Variants in RNF144B observed in about 807,000 individuals in gnomAD.
RNF144B encodes the protein ring finger protein 144B, also known as E3 ubiquitin-protein ligase RNF144B.
In RNF144B, 25 loss-of-function variants were observed where a neutral mutation model predicts 40.2. The ratio of observed to expected loss-of-function variants is 0.62; its 90% CI spans 0.45 to 0.87. The LOEUF (loss-of-function observed/expected upper bound fraction) is 0.87. Among genes scored for constraint, RNF144B ranks in the 40% least tolerant of loss-of-function variants. The pLI is 0.00. For missense variants in RNF144B, 365 were observed against 373.7 expected (o/e 0.98, Z 0.19); for synonymous variants, 145 against 136.3 (o/e 1.06, Z -0.44).
At chr6:18,455,087 T>C (rs1464143602) in intron 4 of RNF144B, among the ~76,000 whole-genome samples, 1 of 152,224 alleles carries the variant, frequency 6.6e-6, no homozygotes, top group African/African-American at 2.4e-5. Flanking sequence ...GAAGCGGTTG[T>C]AATAGATTGG....
At chr6:18,397,503 T>C (rs1373437116) in intron 1 of RNF144B, among the ~76,000 whole-genome samples, 1 of 152,220 alleles carries the variant, frequency 6.6e-6, no homozygotes, top group Non-Finnish European at 1.5e-5. Flanking sequence ...AATATGAATA[T>C]GTGGAGAAAT....
intron 1 of RNF144B, among the ~76,000 whole-genome samples, chr6:18,392,588 A>T (rs1427417384): frequency 6.6e-6 from 1 of 152,170 alleles, no homozygotes; most frequent in African/African-American, 2.4e-5. Flanking sequence ...TGTTGAAATG[A>T]CGATGTTAAA....
chr6:18,427,334 G>A (rs907319721), intron 2 of RNF144B, among the ~76,000 whole-genome samples: 6 of 152,112 alleles, frequency 3.9e-5, no homozygotes, highest in South Asian at 2.1e-4. Context: ...TGGCTGAAAT[G>A]TGTGAGCATA....
Position 18,425,320 on chromosome 6 carries a change from G to T in RNF144B, c.166-2261G>T, listed in dbSNP as rs889334027. Among the ~76,000 whole-genome samples the T allele has an allele frequency of 1.2e-3, 178 of 152,122 alleles. 3 individuals carry two copies. The highest frequency in any genetic ancestry group is 1.2e-4 in the Non-Finnish European group (8 of 68,034). ...AAATTTCTTTAAGTGGCTGCTGGGG[G>T]TCAGTGGGAAGATCAAGGCAGTAAC... is the stretch of plus-strand genomic sequence containing the variant. On this transcript the variant is annotated intron_variant, in intron 2 of 7. Coordinates refer to ENST00000259939, the MANE Select transcript of RNF144B (RefSeq NM_182757.4). This position sits in a 1 kb window ranked among gnomAD's most constrained non-coding sequence, Gnocchi z 4.2.
intron 1 of RNF144B, among the ~76,000 whole-genome samples, chr6:18,388,007 T>C (rs1794498063): frequency 6.6e-6 from 1 of 152,324 alleles, no homozygotes; most frequent in Middle Eastern, 3.4e-3. Context: ...AGTGAAACTC[T>C]GATACTACGA....
At chr6:18,449,811 T>C (rs1337810237) in intron 4 of RNF144B, among the ~76,000 whole-genome samples, 1 of 152,128 alleles carries the variant, frequency 6.6e-6, no homozygotes, top group African/African-American at 2.4e-5. Context: ...CTTAGCATTT[T>C]TCAAGAATGT....
Position 18,465,182 on chromosome 6 carries a change from G to A in RNF144B, c.*115G>A. On this transcript the variant is annotated 3_prime_UTR_variant, in exon 8 of 8. Transcript: ENST00000259939. ...TTGCCAACTTTGAAAGTGCCTCCGT[G>A]TCCAGACTTTGAACTTGCCTGCCAG... 1 of 1,084,688 alleles carries A rather than the reference G, an allele frequency of 9.2e-7. No homozygotes were observed. Among genetic ancestry groups the A allele is most frequent in the East Asian group, 2.6e-5 (1 of 38,710 alleles). The allele number at this position is 1,084,688 out of a possible 1,614,324, so 67.2% of individuals were successfully genotyped here.
chr6:18,388,015 C>T (rs1425769128), intron 1 of RNF144B, among the ~76,000 whole-genome samples: 3 of 152,110 alleles, frequency 2.0e-5, no homozygotes, highest in Non-Finnish European at 2.9e-5. Context: ...TCTGATACTA[C>T]GAGAGCCATT....
intron 2 of RNF144B, among the ~76,000 whole-genome samples, chr6:18,404,159 T>C (rs1195360021): frequency 6.6e-6 from 1 of 152,198 alleles, no homozygotes; most frequent in East Asian, 1.9e-4. Context: ...CACACACAGT[T>C]TGGTAACTTT....
intron 2 of RNF144B, among the ~76,000 whole-genome samples, chr6:18,401,534 C>T (rs981009400): frequency 3.9e-5 from 6 of 152,144 alleles, no homozygotes; most frequent in African/African-American, 9.7e-5. Context: ...AAATAGTAAG[C>T]GGTGTATGAT....
rs1270248329 is a variant in RNF144B at position 18,467,227 on chromosome 6, CAA to C, written c.*2162_*2163del. The stretch of plus-strand genomic sequence containing the variant: ...AGTAAACTCTTTAAGCTTGGTGCTG[CAA>C]AGAGTCTTTAAATGGGGGCTGATTT... On this transcript the variant is annotated 3_prime_UTR_variant, in exon 8 of 8. Transcript: ENST00000259939. 7 of 152,422 alleles carry C rather than the reference CAA, an allele frequency of 4.6e-5. No homozygotes were observed. Among genetic ancestry groups the C allele is most frequent in the African/African-American group, 1.7e-4 (7 of 41,382 alleles). The allele number at this position is 152,422 out of a possible 1,614,324, so 9.4% of individuals were successfully genotyped here. A position where few individuals can be genotyped will look rare whatever the true frequency, so the allele number is the denominator to read the frequency against.
rs190405862 is a variant in RNF144B, at chr6:18,387,600, C to T, written c.-67C>T. ...GCGCGAGGGAGGCTACTGAGAAGCC[C>T]GGCGACGGAGGAACGCAGGTCTGCT... On this transcript the variant is annotated 5_prime_UTR_variant, in exon 1 of 8. Transcript: ENST00000259939. 1.5e-4 allele frequency: 195 copies of T among 1,318,148 alleles called. 3 individuals are homozygous for T. In the East Asian group the frequency reaches 7.3e-3, roughly 49 times the overall value. The allele number at this position is 1,318,148 out of a possible 1,614,324, so 81.7% of individuals were successfully genotyped here.
chr6:18,457,244 G>A lies in RNF144B; in HGVS notation c.421G>A (p.Val141Met), dbSNP rs763291382. Residue 141 changes from valine to methionine, a missense_variant, in exon 5 of 8, where the codon GTG becomes ATG. Physicochemically the swap from Val to Met is conservative, Grantham distance 21. Transcript: ENST00000259939. This position sits in a 1 kb window ranked among gnomAD's most constrained non-coding sequence, Gnocchi z 5.1. ...PVASSDPGQPVLVECPSCHLK... is the reference protein window; with the variant it reads ...PVASSDPGQPMLVECPSCHLK... ...TGCCTCGAGTGACCCAGGACAGCCT[G>A]TGCTGGTGGAATGCCCTTCTTGCCA... 1 of 1,614,162 alleles carries A rather than the reference G, an allele frequency of 6.2e-7. No homozygotes were observed. Among genetic ancestry groups the A allele is most frequent in the South Asian group, 1.1e-5 (1 of 91,084 alleles).
rs1033676304 is a variant in RNF144B at position 18,464,615 on chromosome 6, C to T, written c.772-312C>T. The stretch of plus-strand genomic sequence containing the variant: ...ATGGTCATATCTTAGCAAGGGCTCT[C>T]TTCCTGGTTTGAAGATGGCCATTTT... On this transcript the variant is annotated intron_variant, in intron 7 of 7. Coordinates refer to ENST00000259939, the MANE Select transcript of RNF144B (RefSeq NM_182757.4). This position sits in a 1 kb window ranked among gnomAD's most constrained non-coding sequence, Gnocchi z 6.1. Among the ~76,000 whole-genome samples the T allele has an allele frequency of 6.6e-6, 1 of 152,194 alleles. No homozygotes were observed. Among genetic ancestry groups the T allele is most frequent in the African/African-American group, 2.4e-5 (1 of 41,450 alleles).
intron 1 of RNF144B, among the ~76,000 whole-genome samples, chr6:18,389,263 T>A (rs72832414): frequency 6.6e-6 from 1 of 152,214 alleles, no homozygotes; most frequent in Admixed American, 6.5e-5. Context: ...GCTTAAGACA[T>A]GTCTTTTTAA....
At chr6:18,421,305 CACACACACACAT>C (rs1196496145) in intron 2 of RNF144B, among the ~76,000 whole-genome samples, 4 of 123,052 alleles carry the variant, frequency 3.3e-5, no homozygotes, top group Non-Finnish European at 5.3e-5. Context: ...CACACACACA[CACACACACACAT>C]ATATATAAAA....
intron 1 of RNF144B, among the ~76,000 whole-genome samples, chr6:18,388,151 ACTC>A (rs958552525): frequency 6.6e-6 from 1 of 151,938 alleles, no homozygotes; most frequent in Non-Finnish European, 1.5e-5. Flanking sequence ...CTGTAAGTCT[ACTC>A]CTCATGCATA....
rs781047356 is a variant in RNF144B at position 18,457,304 on chromosome 6, C to T, written c.481C>T (p.His161Tyr). The stretch of plus-strand genomic sequence containing the variant: ...CTGCTCGTGTTGCAAGGATGCTTGG[C>T]ATGCAGAGGTCTCCTGTAGAGACAG... ...KFCSCCKDAW[H>Y]AEVSCRDSQP... The change falls in exon 5 of 8, where the codon CAT (histidine) becomes TAT (tyrosine). Residue 161 changes from histidine (H) to tyrosine (Y), a missense_variant. Transcript: ENST00000259939. The surrounding 1 kb of genome is among the most constrained non-coding windows in gnomAD (Gnocchi z 5.1). 1.2e-6 allele frequency: 2 copies of T among 1,614,206 alleles called. No individual in the cohort carries two copies. The highest frequency in any genetic ancestry group is 3.3e-5 in the Admixed American group (2 of 60,028).
chr6:18,460,555 A>T lies in RNF144B; in HGVS notation c.681+804A>T, dbSNP rs1419632149. Among the ~76,000 whole-genome samples, 1 of 152,082 alleles carries T rather than the reference A, an allele frequency of 6.6e-6. No individual in the cohort carries two copies. Among genetic ancestry groups the T allele is most frequent in the Non-Finnish European group, 1.5e-5 (1 of 68,016 alleles). ...TTTTTTCTTCGTTTTGAATTTAAAG[A>T]AAAATGGTTCAAATCAATGGTGTCT... On this transcript the variant is annotated intron_variant, in intron 6 of 7. Transcript: ENST00000259939. The surrounding 1 kb of genome is among the most constrained non-coding windows in gnomAD (Gnocchi z 4.4).
Sources: allele counts gnomAD v4.1 joint callset (sites outside exome capture counted in the v4.1 genomes callset), GRCh38; gene constraint gnomAD v4.1.1; non-coding constraint Gnocchi (gnomAD v3.1); transcripts MANE v1.5; gene names NCBI Gene and HGNC (gene_info 2026-07-23, HGNC 2026-07-21).